LRGUK: variants seen among roughly 807,000 people sequenced by gnomAD.
LRGUK encodes the protein leucine-rich repeat and guanylate kinase domain-containing protein.
In LRGUK, 65 loss-of-function variants were observed where a neutral mutation model predicts 76.0. The ratio of observed to expected loss-of-function variants is 0.85; its 90% CI spans 0.70 to 1.05. The LOEUF (loss-of-function observed/expected upper bound fraction) is 1.05. LRGUK is among the 50% of genes least tolerant of loss of function. LRGUK has a pLI of 0.00. For missense variants in LRGUK, 758 were observed against 732.8 expected (o/e 1.03, Z -0.40); for synonymous variants, 268 against 265.6 (o/e 1.01, Z -0.09).
chr7:134,174,921 G>T (rs1434240909), intron 8 of LRGUK, among the ~76,000 whole-genome samples: 1 of 152,134 alleles, frequency 6.6e-6, no homozygotes, highest in East Asian at 1.9e-4. Context: ...CTGGTCATTT[G>T]TGACTCATCC....
intron 15 of LRGUK, among the ~76,000 whole-genome samples, chr7:134,202,813 A>C (rs1800832775): frequency 6.6e-6 from 1 of 152,188 alleles, no homozygotes; most frequent in Non-Finnish European, 1.5e-5. Context: ...TAATGGGTAC[A>C]GTGTCAGTTT....
At chr7:134,265,559 A>G (rs1802840484), downstream of LRGUK, among the ~76,000 whole-genome samples, 1 of 152,230 alleles carries the variant, frequency 6.6e-6, no homozygotes, top group Non-Finnish European at 1.5e-5. Context: ...GACAGTCTCA[A>G]AAGATAGAAA....
chr7:134,229,618 T>G (rs920934642), intron 16 of LRGUK, among the ~76,000 whole-genome samples: 49 of 152,288 alleles, frequency 3.2e-4, no homozygotes, highest in African/African-American at 1.0e-3. Flanking sequence ...GTCTATACGC[T>G]CAAAGCAATC....
chr7:134,236,090 T>A (rs1271558786), intron 16 of LRGUK, among the ~76,000 whole-genome samples: 4 of 152,306 alleles, frequency 2.6e-5, no homozygotes, highest in South Asian at 4.1e-4. Flanking sequence ...TACAATATAT[T>A]TTCTTACCCT....
intron 19 of LRGUK, among the ~76,000 whole-genome samples, chr7:134,262,753 A>T (rs527880376): frequency 1.8e-4 from 27 of 152,296 alleles, no homozygotes; most frequent in Middle Eastern, 3.4e-3. Context: ...GGATCATCTG[A>T]GGTCAGGAAT....
chr7:134,168,318 T>C (rs1799079186), intron 7 of LRGUK, among the ~76,000 whole-genome samples: 2 of 152,224 alleles, frequency 1.3e-5, no homozygotes, highest in Non-Finnish European at 2.9e-5. Flanking sequence ...TAAGCTATTA[T>C]CACACCACTG....
chr7:134,201,334 G>T, intron 14 of LRGUK, 147 bp from the exon 15 acceptor site: 1 of 604,912 alleles, frequency 1.7e-6, no homozygotes, highest in Non-Finnish European at 2.9e-6. Flanking sequence ...ATACAAAGGT[G>T]ATGTGTCCTT....
Position 134,164,309 on chromosome 7 carries a change from A to G in LRGUK, c.939+769A>G, listed in dbSNP as rs555862438. Among the ~76,000 whole-genome samples, 6 of 152,314 alleles carry G rather than the reference A, an allele frequency of 3.9e-5. 1 individual carries two copies. The South Asian group carries it at 8.3e-4, about 21-fold the overall frequency. On this transcript the variant is annotated intron_variant, in intron 7 of 15. Coordinates refer to ENST00000645682, the Ensembl canonical transcript of LRGUK. ...AGGAAAGGCTTAAACCCTCAAAAAT[A>G]AAATAAAGAGAAGAGGCACAGGAAG...
At chr7:134,131,209 C>T (rs1024709693) in intron 1 of LRGUK, among the ~76,000 whole-genome samples, 4 of 152,106 alleles carry the variant, frequency 2.6e-5, no homozygotes, top group Non-Finnish European at 1.5e-5. Context: ...TAGTTATGAA[C>T]ATGAAATTTA....
In LRGUK at chr7:134,201,540, A is replaced by G. The variant is rs1300782003; in HGVS notation, c.1807A>G (p.Thr603Ala). The change falls in exon 15 of 16, where the codon ACT (threonine) becomes GCT (alanine). Residue 603 changes from threonine to alanine, a missense_variant. Thr to Ala is a moderately conservative substitution (Grantham distance 58, BLOSUM62 0). Coordinates refer to ENST00000645682, the Ensembl canonical transcript of LRGUK. The stretch of plus-strand genomic sequence containing the variant: ...GCTCATTAGAGAATACCTTGGATTG[A>G]CTGAGGAACCTGCCAAGAGTTTGGC... 3 of 1,613,848 alleles carry G rather than the reference A, an allele frequency of 1.9e-6. No homozygotes were observed. The South Asian group carries it at 3.3e-5, about 18-fold the overall frequency.
intron 19 of LRGUK, 54 bp downstream of exon 19, chr7:134,258,459 A>G: frequency 6.5e-7 from 1 of 1,536,608 alleles, no homozygotes; most frequent in Non-Finnish European, 8.9e-7. Context: ...GCACTTTGGG[A>G]GGCCGAGGCG....
chr7:134,258,912 C>T (rs1416619456), intron 19 of LRGUK, among the ~76,000 whole-genome samples: 2 of 152,052 alleles, frequency 1.3e-5, no homozygotes, highest in East Asian at 1.9e-4. Flanking sequence ...GTGGGGAATC[C>T]ACCCACGGTC....
chr7:134,177,129 C>T (rs937263730), intron 9 of LRGUK, 66 bp downstream of exon 9: 5 of 910,002 alleles, frequency 5.5e-6, no homozygotes, highest in African/African-American at 5.1e-5. Context: ...GCTCGTGTTG[C>T]CTGCTGTGGA....
chr7:134,146,505 CTT>C (rs1401848912), intron 4 of LRGUK, among the ~76,000 whole-genome samples: 2 of 152,156 alleles, frequency 1.3e-5, no homozygotes, highest in African/African-American at 4.8e-5. Flanking sequence ...GCCAAACTGA[CTT>C]ATTTCATAGT....
chr7:134,237,620 T>C (rs1036940998), intron 16 of LRGUK, among the ~76,000 whole-genome samples: 2 of 152,174 alleles, frequency 1.3e-5, no homozygotes, highest in Admixed American at 1.3e-4. Flanking sequence ...TAATCCATGA[T>C]TTCTTGTGCT....
At chr7:134,231,632 G>A (rs1309104005) in intron 16 of LRGUK, among the ~76,000 whole-genome samples, 21 of 9,910 alleles carry the variant, frequency 2.1e-3, no homozygotes, top group East Asian at 4.8e-3. Context: ...TCCTCCCTCC[G>A]TCCCTCCCTT....
At chr7:134,234,945 C>A (rs1801980295) in intron 16 of LRGUK, among the ~76,000 whole-genome samples, 1 of 152,164 alleles carries the variant, frequency 6.6e-6, no homozygotes. Flanking sequence ...AATATCCAAT[C>A]TGTCAAAAAC....
chr7:134,268,231 C>T (rs1802895887), downstream of LRGUK, among the ~76,000 whole-genome samples: 1 of 151,930 alleles, frequency 6.6e-6, no homozygotes, highest in African/African-American at 2.4e-5. Context: ...TTAGTAAAAA[C>T]AGATGAAGAT....
intron 15 of LRGUK, among the ~76,000 whole-genome samples, chr7:134,217,832 C>A (rs1005900534): frequency 6.6e-6 from 1 of 151,972 alleles, no homozygotes; most frequent in African/African-American, 2.4e-5. Flanking sequence ...TCAAGACTTA[C>A]AGAGATTTTA....
Sources: gnomAD v4.1 joint callset for allele counts (sites outside exome capture counted in the v4.1 genomes callset) on GRCh38, gnomAD v4.1.1 for gene constraint, MANE v1.5 for transcripts, NCBI Gene and HGNC (gene_info 2026-07-23, HGNC 2026-07-21) for gene names.